Variants in CCDC73 observed in about 807,000 individuals in gnomAD.
CCDC73 encodes coiled-coil domain containing 73.
A neutral mutation model predicts 116.5 loss-of-function variants in CCDC73; 95 were observed. The ratio of observed to expected loss-of-function variants is 0.82; its 90% CI spans 0.69 to 0.97. The LOEUF (loss-of-function observed/expected upper bound fraction) is 0.97, where lower values mean the gene tolerates loss of function less well. Ranked by LOEUF, CCDC73 falls within the 50% of genes least tolerant of loss-of-function variation. CCDC73 has a pLI of 0.00. For missense variants in CCDC73, 1,066 were observed against 1,206.8 expected, an observed-to-expected ratio of 0.88 and a Z score of 1.73; for synonymous variants, 398 against 401.3, an observed-to-expected ratio of 0.99 and a Z score of 0.10.
the CCDC73 span, among the ~76,000 whole-genome samples, chr11:32,814,364 C>G: frequency 1.3e-5 from 2 of 152,146 alleles, no homozygotes; most frequent in African/African-American, 2.4e-5. Context: ...TTTCTGGATT[C>G]TTAAAACACT....
At chr11:32,772,279 A>C (rs1850498163) in intron 1 of CCDC73, among the ~76,000 whole-genome samples, 1 of 152,064 alleles carries the variant, frequency 6.6e-6, no homozygotes, top group Admixed American at 6.6e-5. Context: ...TGGTTTTCTC[A>C]AATGTCAGAC....
chr11:32,684,743 G>A (rs945944945), intron 6 of CCDC73, among the ~76,000 whole-genome samples: 14 of 152,114 alleles, frequency 9.2e-5, no homozygotes, highest in African/African-American at 3.1e-4. Context: ...AGCACTTTAG[G>A]AGGCTGAGGC....
At chr11:32,708,362 G>A (rs1325266977) in intron 3 of CCDC73, among the ~76,000 whole-genome samples, 1 of 152,092 alleles carries the variant, frequency 6.6e-6, no homozygotes, top group African/African-American at 2.4e-5. Flanking sequence ...TGTTCTTTTT[G>A]CTTAGTCTTG....
chr11:32,817,110 C>A, the CCDC73 span, among the ~76,000 whole-genome samples: 6 of 152,188 alleles, frequency 3.9e-5, no homozygotes, highest in Non-Finnish European at 8.8e-5. Flanking sequence ...ATAGTGAGTT[C>A]TCTATGGTGA....
At chr11:32,750,057 A>C (rs532656616) in intron 2 of CCDC73, among the ~76,000 whole-genome samples, 2 of 151,994 alleles carry the variant, frequency 1.3e-5, no homozygotes, top group East Asian at 3.9e-4. Context: ...TTTTTAGTAG[A>C]GACGGGGTTT....
chr11:32,715,136 CT>C (rs1849933181), intron 3 of CCDC73, among the ~76,000 whole-genome samples: 1 of 152,086 alleles, frequency 6.6e-6, no homozygotes, highest in East Asian at 1.9e-4. Context: ...TTTCTTTCCC[CT>C]TTCTTAATCC....
At chr11:32,663,376 A>T (rs1046737005) in intron 9 of CCDC73, among the ~76,000 whole-genome samples, 2 of 151,720 alleles carry the variant, frequency 1.3e-5, no homozygotes, top group South Asian at 2.1e-4. Flanking sequence ...GGTTTGTAGC[A>T]CTCCTTGAAG....
intron 9 of CCDC73, among the ~76,000 whole-genome samples, chr11:32,660,229 CAAAAAAAAAAAAAAAA>C (rs11310092): frequency 3.0e-5 from 2 of 66,506 alleles, no homozygotes; most frequent in Non-Finnish European, 5.3e-5. Context: ...TTCTCTCTAC[CAAAAAAAAAAAAAAAA>C]AAAAAAAAAA....
chr11:32,770,323 C>T (rs895322655), intron 1 of CCDC73, among the ~76,000 whole-genome samples: 2 of 152,076 alleles, frequency 1.3e-5, no homozygotes, highest in Non-Finnish European at 2.9e-5. Flanking sequence ...AATTCTGCCA[C>T]ATTCTATTAA....
intron 2 of CCDC73, among the ~76,000 whole-genome samples, chr11:32,754,815 A>G (rs1404766761): frequency 1.3e-5 from 2 of 151,564 alleles, no homozygotes; most frequent in East Asian, 1.9e-4. Context: ...ACTTTTTAGC[A>G]TTGAATTCCA....
intron 6 of CCDC73, among the ~76,000 whole-genome samples, 167 bp downstream of exon 6, chr11:32,699,083 CA>C (rs1230756419): frequency 6.6e-6 from 1 of 151,228 alleles, no homozygotes; most frequent in Non-Finnish European, 1.5e-5. Flanking sequence ...TATGGTAAAG[CA>C]AAACTAAATT....
intron 13 of CCDC73, among the ~76,000 whole-genome samples, chr11:32,641,059 T>C (rs1855728926): frequency 6.6e-6 from 1 of 151,794 alleles, no homozygotes; most frequent in Admixed American, 6.6e-5. Flanking sequence ...ACATGTTAGT[T>C]TCAAGTGAAT....
At chr11:32,646,784 T>TGA (rs1855782768) in intron 12 of CCDC73, among the ~76,000 whole-genome samples, 1 of 152,126 alleles carries the variant, frequency 6.6e-6, no homozygotes, top group African/African-American at 2.4e-5. Flanking sequence ...TTTTCTCTCT[T>TGA]CTCTCTCTGA....
At chr11:32,803,733 T>C in the CCDC73 span, among the ~76,000 whole-genome samples, 7 of 152,264 alleles carry the variant, frequency 4.6e-5, no homozygotes, top group African/African-American at 1.7e-4. Context: ...TCTGGATATC[T>C]TTAACTAAAT....
At chr11:32,748,194 T>C (rs1364336705) in intron 2 of CCDC73, among the ~76,000 whole-genome samples, 4 of 152,180 alleles carry the variant, frequency 2.6e-5, no homozygotes, top group African/African-American at 4.8e-5. Flanking sequence ...TCTGGTTGTT[T>C]TGTGGTTTTC....
At chr11:32,750,124 C>T (rs1448702755) in intron 2 of CCDC73, among the ~76,000 whole-genome samples, 1 of 152,222 alleles carries the variant, frequency 6.6e-6, no homozygotes, top group Non-Finnish European at 1.5e-5. Flanking sequence ...CCTGCCTCAG[C>T]CTCCCAAAAT....
chr11:32,637,530 C>T (rs537077639), intron 13 of CCDC73, among the ~76,000 whole-genome samples: 2 of 152,078 alleles, frequency 1.3e-5, no homozygotes, highest in East Asian at 3.9e-4. Context: ...CCTTTCTTGA[C>T]TTCCATGCTA....
chr11:32,783,500 T>C (rs917043554), intron 1 of CCDC73, among the ~76,000 whole-genome samples: 1 of 152,184 alleles, frequency 6.6e-6, no homozygotes, highest in African/African-American at 2.4e-5. Context: ...TAACAGAAAT[T>C]TATTTCTCGC....
At chr11:32,629,189 G>A (rs1273379753) in intron 14 of CCDC73, among the ~76,000 whole-genome samples, 1 of 152,026 alleles carries the variant, frequency 6.6e-6, no homozygotes, top group Non-Finnish European at 1.5e-5. Flanking sequence ...ATATTAAGCA[G>A]TCTAACGTGT....
Sources: allele counts gnomAD v4.1 joint callset (sites outside exome capture counted in the v4.1 genomes callset), GRCh38; gene constraint gnomAD v4.1.1; transcripts MANE v1.5; gene names NCBI Gene and HGNC (gene_info 2026-07-23, HGNC 2026-07-21).